The following IL22RA2 variants were observed in gnomAD, a reference collection of about 807,000 sequenced individuals.
IL22RA2 encodes interleukin 22 receptor subunit alpha 2, also known as interleukin-22 receptor subunit alpha-2.
Under a neutral mutation model 30.7 loss-of-function variants are expected in IL22RA2, and 39 were observed. That is an observed-to-expected ratio of 1.27 (90% CI 0.98 to 1.66). The LOEUF (loss-of-function observed/expected upper bound fraction) is 1.66, where lower values mean the gene tolerates loss of function less well. Ranked by LOEUF, IL22RA2 falls within the 40% of genes most tolerant of loss-of-function variation. IL22RA2 has a pLI of 0.00. For synonymous variants in IL22RA2, 103 were observed against 105.0 expected, an observed-to-expected ratio of 0.98 and a Z score of 0.11; for missense variants, 315 against 312.7, an observed-to-expected ratio of 1.01 and a Z score of -0.05.
intron 5 of IL22RA2, among the ~76,000 whole-genome samples, chr6:137,150,266 T>C (rs968760712): frequency 6.6e-6 from 1 of 152,098 alleles, no homozygotes; most frequent in Non-Finnish European, 1.5e-5. Context: ...CGTGCTTTTT[T>C]GAAATATGTT....
chr6:137,163,222 A>C (rs1298581160), intron 1 of IL22RA2, among the ~76,000 whole-genome samples: 1 of 152,218 alleles, frequency 6.6e-6, no homozygotes, highest in Non-Finnish European at 1.5e-5. Flanking sequence ...TGCCTCATGT[A>C]GTTCCCACCT....
intron 1 of IL22RA2, among the ~76,000 whole-genome samples, chr6:137,165,760 A>G (rs1334372218): frequency 1.3e-5 from 2 of 152,196 alleles, no homozygotes; most frequent in African/African-American, 4.8e-5. Context: ...CCAGAAGGGC[A>G]CATGACTCTA....
chr6:137,155,165 A>G (rs1324290005), intron 4 of IL22RA2, 46 bp from the exon 5 acceptor site: 3 of 1,398,558 alleles, frequency 2.1e-6, no homozygotes, highest in South Asian at 2.9e-5. Context: ...TTCTCCACTC[A>G]AGGAGTCTTC....
Position 137,158,333 on chromosome 6 carries a change from C to T in IL22RA2, c.197+14G>A. The stretch of plus-strand genomic sequence containing the variant: ...TGCCATCTCTATCAGCTGAAGGAGG[C>T]TCAATTTACTTACATTTTGTACTGC... On this transcript the variant is annotated intron_variant, in intron 3 of 6. Coordinates refer to ENST00000296980, the MANE Select transcript of IL22RA2 (RefSeq NM_052962.3). 1 of 1,613,828 alleles carries T rather than the reference C, an allele frequency of 6.2e-7. No individual in the cohort carries two copies. The highest frequency in any genetic ancestry group is 1.3e-5 in the African/African-American group (1 of 75,050).
intron 1 of IL22RA2, among the ~76,000 whole-genome samples, chr6:137,169,039 C>T (rs1342149740): frequency 6.6e-6 from 1 of 152,216 alleles, no homozygotes; most frequent in South Asian, 2.1e-4. Context: ...GATCAATGGC[C>T]CTGGGAAGCC....
intron 1 of IL22RA2, among the ~76,000 whole-genome samples, chr6:137,171,820 C>T (rs1778740627): frequency 6.6e-6 from 1 of 152,224 alleles, no homozygotes; most frequent in African/African-American, 2.4e-5. Context: ...CTTTCTGAGG[C>T]CAGCCCTATG....
intron 1 of IL22RA2, among the ~76,000 whole-genome samples, chr6:137,162,188 G>C (rs1276536659): frequency 1.3e-5 from 2 of 152,152 alleles, no homozygotes; most frequent in African/African-American, 4.8e-5. Context: ...TGGCTGCCAG[G>C]GTGATTTTGA....
intron 6 of IL22RA2, among the ~76,000 whole-genome samples, chr6:137,146,689 G>A (rs549298850): frequency 1.3e-5 from 2 of 152,150 alleles, no homozygotes; most frequent in African/African-American, 4.8e-5. Flanking sequence ...AGCACCGATG[G>A]TGGATTAGAA....
At chr6:137,167,551 G>C (rs1778648678) in intron 1 of IL22RA2, among the ~76,000 whole-genome samples, 1 of 152,174 alleles carries the variant, frequency 6.6e-6, no homozygotes. Context: ...TTCTAACCTG[G>C]AGACTCTGTC....
chr6:137,170,821 G>T (rs376725059), intron 1 of IL22RA2, among the ~76,000 whole-genome samples: 2 of 152,032 alleles, frequency 1.3e-5, no homozygotes, highest in Admixed American at 1.3e-4. Context: ...TGGTTTTGAC[G>T]TACAGGCAGG....
intron 5 of IL22RA2, 50 bp downstream of exon 5, chr6:137,154,891 G>C (rs1322595375): frequency 2.0e-6 from 3 of 1,534,280 alleles, no homozygotes; most frequent in Non-Finnish European, 2.7e-6. Context: ...CTCCGGGAGG[G>C]CTGTCCAAAA....
At chr6:137,147,186 CAAAAAAA>C (rs11313927) in intron 6 of IL22RA2, among the ~76,000 whole-genome samples, 3 of 70,872 alleles carry the variant, frequency 4.2e-5, no homozygotes, top group Non-Finnish European at 9.8e-5. Flanking sequence ...CTTGCCTCTA[CAAAAAAA>C]AAAAAAAAAA....
intron 1 of IL22RA2, 89 bp from the exon 2 acceptor site, chr6:137,161,903 T>C (rs1245728618): frequency 4.1e-6 from 2 of 490,600 alleles, no homozygotes; most frequent in Non-Finnish European, 3.8e-6. Flanking sequence ...TACTACATTA[T>C]ATTATTTTAT....
intron 5 of IL22RA2, among the ~76,000 whole-genome samples, chr6:137,150,115 T>C (rs1778259320): frequency 6.6e-6 from 1 of 152,234 alleles, no homozygotes. Context: ...TGTCTCTAGA[T>C]AGACACCATA....
chr6:137,156,201 C>T (rs1024117862), intron 4 of IL22RA2, among the ~76,000 whole-genome samples: 7 of 152,168 alleles, frequency 4.6e-5, no homozygotes, highest in Admixed American at 1.3e-4. Context: ...GGAAGATTCA[C>T]GCTTTGTTTC....
intron 5 of IL22RA2, among the ~76,000 whole-genome samples, chr6:137,150,768 C>T (rs1778273836): frequency 6.6e-6 from 1 of 152,134 alleles, no homozygotes; most frequent in Non-Finnish European, 1.5e-5. Context: ...TCTCCTTTTC[C>T]TCTACTAGAG....
At chr6:137,157,463 G>A (rs1240322822) in intron 3 of IL22RA2, among the ~76,000 whole-genome samples, 1 of 152,164 alleles carries the variant, frequency 6.6e-6, no homozygotes, top group South Asian at 2.1e-4. Flanking sequence ...AGATGGAGAT[G>A]CTTCTGGGGA....
intron 5 of IL22RA2, among the ~76,000 whole-genome samples, chr6:137,150,656 T>G (rs1778272133): frequency 6.6e-6 from 1 of 152,208 alleles, no homozygotes; most frequent in Admixed American, 6.5e-5. Flanking sequence ...AAACTTTGTT[T>G]GATAAGTAAA....
rs1280768929 is a variant in IL22RA2, at chr6:137,154,814, C to A, written c.472+127G>T. The A allele has an allele frequency of 1.1e-5, 8 of 738,002 alleles. No homozygotes were observed. In the East Asian group the frequency reaches 2.0e-4, roughly 19 times the overall value. The allele number at this position is 738,002 out of a possible 1,614,324, so 45.7% of individuals were successfully genotyped here. On this transcript the variant is annotated intron_variant, in intron 5 of 6. Transcript: ENST00000296980. ...AAGCTATCTCCTAGAGTTGTTCTGA[C>A]AATTAGACCAAAAGAGATAATGATG...
Sources: allele counts gnomAD v4.1 joint callset (sites outside exome capture counted in the v4.1 genomes callset), GRCh38; gene constraint gnomAD v4.1.1; transcripts MANE v1.5; gene names NCBI Gene and HGNC (gene_info 2026-07-23, HGNC 2026-07-21).